Variants in MACROD2 observed in about 807,000 individuals in gnomAD.
The protein encoded by MACROD2 is mono-ADP ribosylhydrolase 2.
Under a neutral mutation model 70.4 loss-of-function variants are expected in MACROD2, and 36 were observed. The observed-to-expected ratio is 0.51, with a 90% CI of 0.39 to 0.68. The LOEUF (loss-of-function observed/expected upper bound fraction) is 0.68. Among genes scored for constraint, MACROD2 ranks in the 30% least tolerant of loss-of-function variants. The probability of loss-of-function intolerance (pLI) is 0.00; values close to 1 mark genes in which losing one functional copy is unlikely to be tolerated. For missense variants in MACROD2, 496 were observed against 538.4 expected (o/e 0.92, Z 0.78); for synonymous variants, 172 against 178.8 (o/e 0.96, Z 0.30).
At position 14,831,642 on chromosome 20, in the gene MACROD2, T is replaced by C. The variant is rs1453088939; in HGVS notation, c.418+146683T>C. On this transcript the variant is annotated intron_variant, in intron 5 of 17. Transcript: ENST00000684519. ...AAAAAATACAAACAATAGCCAGGTG[T>C]GGTGGCGGGCGCTTGTAATCCCGGC... Among the ~76,000 whole-genome samples the C allele has an allele frequency of 2.0e-5, 3 of 151,338 alleles. No homozygotes were observed. The East Asian group carries it at 5.9e-4, about 30-fold the overall frequency.
intron 6 of MACROD2, among the ~76,000 whole-genome samples, chr20:15,380,030 C>T (rs1360796912): frequency 4.6e-5 from 7 of 152,100 alleles, no homozygotes; most frequent in African/African-American, 1.7e-4. Context: ...CTGTTGTTCC[C>T]TTTTCCTGAA....
At chr20:14,599,340 T>A (rs1982339713) in intron 4 of MACROD2, among the ~76,000 whole-genome samples, 1 of 151,830 alleles carries the variant, frequency 6.6e-6, no homozygotes, top group Admixed American at 6.6e-5. Flanking sequence ...TAGCTTTTGG[T>A]GGGAGATAGG....
chr20:14,537,706 C>A (rs1317843396), intron 4 of MACROD2, among the ~76,000 whole-genome samples: 2 of 152,186 alleles, frequency 1.3e-5, no homozygotes, highest in African/African-American at 2.4e-5. Flanking sequence ...AGAATGTCTA[C>A]TTCTGTTTTC....
intron 6 of MACROD2, among the ~76,000 whole-genome samples, chr20:15,284,076 ATTTC>A (rs1230108932): frequency 2.6e-5 from 4 of 152,100 alleles, no homozygotes; most frequent in African/African-American, 9.7e-5. Flanking sequence ...TTAATATTAA[ATTTC>A]TTTTCCTTGA....
At chr20:15,383,167 G>A (rs1053561377) in intron 6 of MACROD2, among the ~76,000 whole-genome samples, 9 of 152,288 alleles carry the variant, frequency 5.9e-5, no homozygotes, top group South Asian at 4.1e-4. Context: ...AACACCAGGT[G>A]TATGAAAAGA....
At chr20:14,315,551 A>G (rs1380074099) in intron 3 of MACROD2, among the ~76,000 whole-genome samples, 1 of 152,244 alleles carries the variant, frequency 6.6e-6, no homozygotes, top group Non-Finnish European at 1.5e-5. Context: ...TGAGGCATAT[A>G]GATAATAACA....
chr20:15,026,687 A>C (rs374752622), intron 5 of MACROD2, among the ~76,000 whole-genome samples: 2 of 152,070 alleles, frequency 1.3e-5, no homozygotes, highest in Non-Finnish European at 2.9e-5. Context: ...ATTTCTAAAT[A>C]CACCCAGGGA....
intron 6 of MACROD2, among the ~76,000 whole-genome samples, chr20:15,308,982 C>T (rs2085508326): frequency 2.0e-5 from 3 of 152,140 alleles, no homozygotes; most frequent in Admixed American, 2.0e-4. Flanking sequence ...TCACCTCCCC[C>T]TTTGGATTTT....
At chr20:14,630,293 A>G (rs879641361) in intron 4 of MACROD2, among the ~76,000 whole-genome samples, 5 of 152,102 alleles carry the variant, frequency 3.3e-5, no homozygotes, top group Admixed American at 3.3e-4. Flanking sequence ...TAGGCAGCCA[A>G]GAATAAAAGA....
At chr20:15,294,389 GC>G (rs1379701259) in intron 6 of MACROD2, among the ~76,000 whole-genome samples, 2 of 152,166 alleles carry the variant, frequency 1.3e-5, no homozygotes, top group Non-Finnish European at 2.9e-5. Flanking sequence ...CTGGGGCTAT[GC>G]CTGCCTTTAT....
intron 8 of MACROD2, among the ~76,000 whole-genome samples, chr20:15,754,197 G>A (rs2051312785): frequency 6.6e-6 from 1 of 152,086 alleles, no homozygotes; most frequent in Non-Finnish European, 1.5e-5. Flanking sequence ...TAGCAAAGAT[G>A]TTTTCTCTAC....
intron 8 of MACROD2, among the ~76,000 whole-genome samples, chr20:15,527,164 A>G (rs2047733073): frequency 6.6e-6 from 1 of 152,152 alleles, no homozygotes; most frequent in Non-Finnish European, 1.5e-5. Context: ...CCCAGAGAAA[A>G]TGAAATGAGC....
intron 5 of MACROD2, among the ~76,000 whole-genome samples, chr20:15,220,895 T>C (rs2076854716): frequency 1.3e-5 from 2 of 152,278 alleles, no homozygotes; most frequent in Admixed American, 1.3e-4. Context: ...AAATATGTAT[T>C]ATATAAAGGA....
intron 5 of MACROD2, among the ~76,000 whole-genome samples, chr20:15,180,088 C>G (rs2076489797): frequency 6.6e-6 from 1 of 152,048 alleles, no homozygotes; most frequent in Admixed American, 6.6e-5. Flanking sequence ...ATAAAGACAC[C>G]AGTCAGATTG....
At chr20:15,963,053 A>T (rs2066085924) in intron 12 of MACROD2, among the ~76,000 whole-genome samples, 1 of 152,142 alleles carries the variant, frequency 6.6e-6, no homozygotes, top group Non-Finnish European at 1.5e-5. Flanking sequence ...ATGGAGGAAA[A>T]ATTACTTTGT....
chr20:14,926,991 T>C (rs57141289), intron 5 of MACROD2, among the ~76,000 whole-genome samples: 20,650 of 152,236 alleles, frequency 0.14, 1,887 homozygotes, highest in East Asian at 0.37. Flanking sequence ...ACATCCACCT[T>C]ATTGTCAGTT....
intron 17 of MACROD2, among the ~76,000 whole-genome samples, chr20:16,046,069 C>T (rs529604046): frequency 4.6e-5 from 7 of 152,136 alleles, no homozygotes; most frequent in Middle Eastern, 3.4e-3. Flanking sequence ...TGTGTTGACA[C>T]CCTTGCCCCC....
intron 8 of MACROD2, among the ~76,000 whole-genome samples, chr20:15,825,071 C>A (rs2063982185): frequency 6.6e-6 from 1 of 152,148 alleles, no homozygotes; most frequent in Non-Finnish European, 1.5e-5. Context: ...AAGTGCCAAT[C>A]TTTGACAATG....
rs148442857 is a variant in MACROD2 at position 15,010,809 on chromosome 20, A to G, written c.419-219131A>G. Among the ~76,000 whole-genome samples the G allele has an allele frequency of 3.7e-3, 566 of 152,310 alleles. 4 individuals carry two copies. Among genetic ancestry groups the G allele is most frequent in the Admixed American group, 5.9e-3 (90 of 15,298 alleles). On this transcript the variant is annotated intron_variant, in intron 5 of 17. Transcript: ENST00000684519. ...AATGAGCGTCAGTGAATCTAGTGCTATATCTGCCAATGTCTTGCTTGTATC... is the reference window on the plus strand; with the variant it reads ...AATGAGCGTCAGTGAATCTAGTGCTGTATCTGCCAATGTCTTGCTTGTATC...
Sources: gnomAD v4.1 joint callset for allele counts (sites outside exome capture counted in the v4.1 genomes callset) on GRCh38, gnomAD v4.1.1 for gene constraint, MANE v1.5 for transcripts, NCBI Gene and HGNC (gene_info 2026-07-23, HGNC 2026-07-21) for gene names.